Variants in DNAH12 observed in about 807,000 individuals in gnomAD.
DNAH12 encodes axonemal beta dynein heavy chain 12.
A neutral mutation model predicts 371.5 loss-of-function variants in DNAH12; 285 were observed. The observed-to-expected ratio is 0.77, with a 90% confidence interval of 0.70 to 0.85. The LOEUF is 0.85. Among genes scored for constraint, DNAH12 ranks in the 40% least tolerant of loss-of-function variants. DNAH12 has a pLI of 0.00. For missense variants in DNAH12, 3,611 were observed against 3,689.4 expected, an observed-to-expected ratio of 0.98 and a Z score of 0.55; for synonymous variants, 1,200 against 1,213.0, an observed-to-expected ratio of 0.99 and a Z score of 0.22.
At chr3:57,424,071 T>G (rs2064680355) in intron 35 of DNAH12, among the ~76,000 whole-genome samples, 1 of 152,166 alleles carries the variant, frequency 6.6e-6, no homozygotes. Flanking sequence ...GCTTTTATGT[T>G]GCCTAAATGC....
chr3:57,336,266 C>A (rs2062219434), intron 60 of DNAH12, among the ~76,000 whole-genome samples: 1 of 152,056 alleles, frequency 6.6e-6, no homozygotes, highest in African/African-American at 2.4e-5. Flanking sequence ...TTCACAGCAT[C>A]CATAACCAGG....
intron 67 of DNAH12, among the ~76,000 whole-genome samples, 191 bp downstream of exon 67, chr3:57,310,526 G>A (rs1353847060): frequency 6.6e-6 from 1 of 152,052 alleles, no homozygotes; most frequent in Non-Finnish European, 1.5e-5. Flanking sequence ...CCAAAAAAGG[G>A]TTAAAAATCA....
At chr3:57,519,498 A>C (rs1309196880) in intron 4 of DNAH12, among the ~76,000 whole-genome samples, 1 of 152,222 alleles carries the variant, frequency 6.6e-6, no homozygotes, top group Non-Finnish European at 1.5e-5. Flanking sequence ...TTCTGAAAAT[A>C]AAACTGACAA....
In DNAH12 at chr3:57,295,595, G is replaced by A. The variant is rs1445141763; in HGVS notation, c.11625-3C>T. ...GATATTGTTCAGCAAGCAATCCACT[G>A]TAACGAGAAATTGACAGAAATTATT... On this transcript the variant is annotated splice_region_variant and splice_polypyrimidine_tract_variant and intron_variant, in intron 72 of 73. Transcript: ENST00000495027. The A allele has an allele frequency of 6.5e-7, 1 of 1,537,920 alleles. No homozygotes were observed. The highest frequency in any genetic ancestry group is 8.8e-7 in the Non-Finnish European group (1 of 1,139,454).
intron 1 of DNAH12, among the ~76,000 whole-genome samples, chr3:57,543,263 G>T (rs9837192): frequency 0.24 from 35,027 of 146,438 alleles, 5,832 homozygotes; most frequent in African/African-American, 0.47. Flanking sequence ...AAATCCAGTT[G>T]TTGAGGGATG....
intron 2 of DNAH12, among the ~76,000 whole-genome samples, chr3:57,526,017 C>G (rs2068634570): frequency 6.6e-6 from 1 of 152,024 alleles, no homozygotes; most frequent in African/African-American, 2.4e-5. Context: ...CCTGCCTCGG[C>G]CTCCCAAAGT....
At position 57,333,329 on chromosome 3, in the gene DNAH12, C is replaced by CTTTTTT. The variant is rs34135477; in HGVS notation, c.9978+1130_9978+1135dup. Among the ~76,000 whole-genome samples the CTTTTTT allele has an allele frequency of 1.5e-4, 17 of 111,078 alleles. 2 individuals are homozygous for CTTTTTT. The highest frequency in any genetic ancestry group is 6.8e-4 in the African/African-American group (15 of 21,912). The allele number at this position is 111,078 out of a possible 152,430, so 72.9% of individuals were successfully genotyped here. On this transcript the variant is annotated intron_variant, in intron 62 of 73. Coordinates refer to ENST00000495027, the MANE Select transcript of DNAH12 (RefSeq NM_001366028.2). Reference sequence around the variant, plus strand: ...CGGATACATGTTCTTTTTAAGGCAACTTTTTTTTTTTTTTTTTTTTAGATG... The same window carrying CTTTTTT: ...CGGATACATGTTCTTTTTAAGGCAACTTTTTTTTTTTTTTTTTTTTTTTTTTAGATG...
chr3:57,326,102 C>T lies in DNAH12; in HGVS notation c.9979-2483G>A, dbSNP rs1009127953. Among the ~76,000 whole-genome samples the T allele has an allele frequency of 5.7e-4, 86 of 151,946 alleles. 1 individual carries two copies. The East Asian group carries it at 0.013, about 22-fold the overall frequency. ...GTCTGATTGGTGTACTTGAAAGTGA[C>T]GGGGAGAATGGAACCAAGTTGGAAA... is the stretch of plus-strand genomic sequence containing the variant. On this transcript the variant is annotated intron_variant, in intron 62 of 73. Coordinates refer to ENST00000495027, the MANE Select transcript of DNAH12 (RefSeq NM_001366028.2).
chr3:57,365,520 A>C (rs2063031947), intron 57 of DNAH12, among the ~76,000 whole-genome samples: 1 of 152,132 alleles, frequency 6.6e-6, no homozygotes, highest in Non-Finnish European at 1.5e-5. Flanking sequence ...CTTAATACCT[A>C]GGTGATGGGT....
In DNAH12 at chr3:57,326,860, G is replaced by C. The variant is rs537406461; in HGVS notation, c.9979-3241C>G. 5.3e-5 allele frequency among the ~76,000 whole-genome samples: 8 copies of C among 152,310 alleles called. No homozygotes were observed. In the East Asian group the frequency reaches 1.5e-3, roughly 29 times the overall value. The stretch of plus-strand genomic sequence containing the variant: ...CATAGGCTCAAAATAAAAGGATGGA[G>C]GAAGATCTGCCAAGCAAATGGAAAA... On this transcript the variant is annotated intron_variant, in intron 62 of 73. Coordinates refer to ENST00000495027, the MANE Select transcript of DNAH12 (RefSeq NM_001366028.2).
intron 53 of DNAH12, among the ~76,000 whole-genome samples, chr3:57,376,266 T>C (rs2063278716): frequency 6.6e-6 from 1 of 151,958 alleles, no homozygotes; most frequent in Non-Finnish European, 1.5e-5. Flanking sequence ...GCCTAATAAT[T>C]TTCTCTTGGA....
chr3:57,344,122 T>C (rs539554308), intron 60 of DNAH12, among the ~76,000 whole-genome samples: 15 of 152,416 alleles, frequency 9.8e-5, no homozygotes, highest in South Asian at 6.2e-4. Flanking sequence ...TGTTTCTCTA[T>C]ACTTTGTCTC....
chr3:57,393,254 T>A (rs2063662714), intron 44 of DNAH12, among the ~76,000 whole-genome samples: 1 of 152,260 alleles, frequency 6.6e-6, no homozygotes, highest in East Asian at 1.9e-4. Flanking sequence ...GAATTAAATA[T>A]CCAGGTGTGA....
rs193247341 is a variant in DNAH12, at chr3:57,326,546, G to C, written c.9979-2927C>G. 3.9e-5 allele frequency among the ~76,000 whole-genome samples: 6 copies of C among 152,236 alleles called. No individual in the cohort carries two copies. In the East Asian group the frequency reaches 7.7e-4, roughly 20 times the overall value. On this transcript the variant is annotated intron_variant, in intron 62 of 73. Coordinates refer to ENST00000495027, the MANE Select transcript of DNAH12 (RefSeq NM_001366028.2). ...TCACCACCAGGCCTGCCCTAAAAGA[G>C]CTCCTGAAGGAAGCACTAAACATGG... is the stretch of plus-strand genomic sequence containing the variant.
At chr3:57,528,179 C>T (rs1248429200) in intron 2 of DNAH12, among the ~76,000 whole-genome samples, 3 of 151,816 alleles carry the variant, frequency 2.0e-5, no homozygotes, top group African/African-American at 7.3e-5. Flanking sequence ...CAGGCATGCA[C>T]CACCATGCCT....
At chr3:57,552,220 G>A in the DNAH12 span, among the ~76,000 whole-genome samples, 1 of 149,918 alleles carries the variant, frequency 6.7e-6, no homozygotes, top group South Asian at 2.2e-4. Flanking sequence ...ACTCCAGCCT[G>A]GGCGACAGAG....
intron 11 of DNAH12, chr3:57,498,494 A>T: frequency 1.4e-6 from 1 of 714,686 alleles, no homozygotes; most frequent in Non-Finnish European, 2.6e-6. Context: ...ACAGTTTCTT[A>T]AAAAGTTAAA....
intron 20 of DNAH12, among the ~76,000 whole-genome samples, chr3:57,459,175 C>G (rs1372089873): frequency 6.6e-6 from 1 of 152,196 alleles, no homozygotes; most frequent in Admixed American, 6.5e-5. Flanking sequence ...ACAGCAGATT[C>G]TTCCCCATCA....
rs1477129165 is a variant in DNAH12 at position 57,446,659 on chromosome 3, C to T, written c.3817G>A (p.Ala1273Thr). ...IGAFYLNLGG[A>T]PEGPAGTGKT... is the part of the protein sequence containing the mutation. ...CCTGTGCCTGCTGGCCCCTCTGGAG[C>T]ACCTCCAAGGTTTAAATAGAAAGCA... The change falls in exon 26 of 74, where the codon GCT (alanine) becomes ACT (threonine). Residue 1273 changes from alanine to threonine, a missense_variant. By Grantham distance (58) the Ala-to-Thr change is moderately conservative. This residue lies in a region of DNAH12 where 2,266 missense variants were observed against 2,236.9 expected (regional missense o/e 1.01). Transcript: ENST00000495027. The T allele has an allele frequency of 1.0e-5, 16 of 1,543,588 alleles. No individual in the cohort carries two copies. In the East Asian group the frequency reaches 3.9e-4, roughly 38 times the overall value.
Sources: allele counts gnomAD v4.1 joint callset (sites outside exome capture counted in the v4.1 genomes callset), GRCh38; gene constraint gnomAD v4.1.1; regional missense constraint gnomAD v4.1.1; transcripts MANE v1.5; gene names NCBI Gene and HGNC (gene_info 2026-07-23, HGNC 2026-07-21).